Variants in WWOX observed in about 807,000 individuals in gnomAD.
WWOX encodes WW domain containing oxidoreductase.
In WWOX, 69 loss-of-function variants were observed where a neutral mutation model predicts 46.2. The ratio of observed to expected loss-of-function variants is 1.49; its 90% CI spans 1.23 to 1.82. WWOX has a LOEUF of 1.82. Ranked by LOEUF, WWOX falls within the 40% of genes most tolerant of loss-of-function variation. The pLI is 0.00. For synonymous variants in WWOX, 359 were observed against 202.6 expected (o/e 1.77, Z -6.56); for missense variants, 919 against 542.6 (o/e 1.69, Z -6.89).
intron 8 of WWOX, among the ~76,000 whole-genome samples, chr16:78,628,381 T>G (rs772714211): frequency 6.6e-6 from 1 of 152,160 alleles, no homozygotes; most frequent in Non-Finnish European, 1.5e-5. Context: ...AAGCCCCGTG[T>G]GGCCATTCTG....
chr16:78,588,791 A>C (rs16948137), intron 8 of WWOX, among the ~76,000 whole-genome samples: 2 of 152,008 alleles, frequency 1.3e-5, no homozygotes, highest in Non-Finnish European at 2.9e-5. Context: ...GCTTTTTGGC[A>C]TTAGGAGCTG....
intron 6 of WWOX, among the ~76,000 whole-genome samples, chr16:78,421,856 C>A (rs1486217304): frequency 6.6e-6 from 1 of 152,162 alleles, no homozygotes; most frequent in Admixed American, 6.5e-5. Flanking sequence ...CTGCTACATA[C>A]ATGCTTTATT....
chr16:78,374,572 A>C (rs1486126239), intron 5 of WWOX, among the ~76,000 whole-genome samples: 1 of 95,136 alleles, frequency 1.1e-5, no homozygotes, highest in Non-Finnish European at 1.9e-5. Flanking sequence ...TTTTTAAGGC[A>C]GAGTTTCTGT....
At chr16:78,912,010 G>A (rs1182420579) in intron 8 of WWOX, among the ~76,000 whole-genome samples, 2 of 151,992 alleles carry the variant, frequency 1.3e-5, no homozygotes, top group Admixed American at 6.6e-5. Flanking sequence ...AAAATACACA[G>A]TAGTCCAGTA....
chr16:79,181,085 T>C (rs1480383148), intron 8 of WWOX, among the ~76,000 whole-genome samples: 1 of 152,204 alleles, frequency 6.6e-6, no homozygotes, highest in Non-Finnish European at 1.5e-5. Flanking sequence ...ACGCTCGTAA[T>C]TTATGCTCTA....
intron 8 of WWOX, among the ~76,000 whole-genome samples, chr16:79,064,459 C>A (rs1054285442): frequency 6.6e-6 from 1 of 152,202 alleles, no homozygotes; most frequent in African/African-American, 2.4e-5. Context: ...ACCTGCAGAA[C>A]CCATGCGTCG....
At chr16:79,134,705 G>A (rs1032274789) in intron 8 of WWOX, among the ~76,000 whole-genome samples, 1 of 152,194 alleles carries the variant, frequency 6.6e-6, no homozygotes, top group Non-Finnish European at 1.5e-5. Context: ...ATGTCATGAA[G>A]GGACTTGGGG....
chr16:78,660,531 C>G (rs1166503033), intron 8 of WWOX, among the ~76,000 whole-genome samples: 2 of 152,064 alleles, frequency 1.3e-5, no homozygotes, highest in Admixed American at 6.6e-5. Flanking sequence ...ATTCACAAAA[C>G]AACTCAGGGC....
At chr16:78,908,525 C>G (rs1847590) in intron 8 of WWOX, among the ~76,000 whole-genome samples, 139,134 of 150,652 alleles carry the variant, frequency 0.92, 65,308 homozygotes, top group East Asian at 1. Flanking sequence ...GGGCGACAGA[C>G]TGAAACTCTG....
intron 8 of WWOX, among the ~76,000 whole-genome samples, chr16:79,187,458 C>T (rs1304368516): frequency 2.6e-5 from 4 of 152,088 alleles, no homozygotes; most frequent in South Asian, 4.1e-4. Context: ...TGGAGTGCAG[C>T]GGCGTGATCT....
chr16:79,197,233 A>T (rs1458218776), intron 8 of WWOX, among the ~76,000 whole-genome samples: 2 of 152,174 alleles, frequency 1.3e-5, no homozygotes, highest in Non-Finnish European at 2.9e-5. Context: ...CAATGGCTTT[A>T]TGACCTTGAG....
rs139084156 is a variant in WWOX, at chr16:78,761,040, T to C, written c.1056+328288T>C. On this transcript the variant is annotated intron_variant, in intron 8 of 8. Transcript: ENST00000566780. ...CCTCCCCCATGATTCAGTTATCTCC[T>C]ACCAGGCCCCTCCTACAACACGTAA... Among the ~76,000 whole-genome samples the C allele has an allele frequency of 2.0e-5, 3 of 152,188 alleles. No individual in the cohort carries two copies. The East Asian group carries it at 5.8e-4, about 30-fold the overall frequency.
chr16:78,996,349 GAA>G (rs1191601801), intron 8 of WWOX: 2 of 965,540 alleles, frequency 2.1e-6, no homozygotes, highest in Admixed American at 1.3e-4. Flanking sequence ...GGATGAAATA[GAA>G]AGAGTGTGAG....
chr16:78,429,006 G>C (rs777221291), intron 7 of WWOX, among the ~76,000 whole-genome samples: 1 of 152,012 alleles, frequency 6.6e-6, no homozygotes, highest in Non-Finnish European at 1.5e-5. Context: ...GTGTTCCTTT[G>C]TTTTTTTTAT....
intron 8 of WWOX, among the ~76,000 whole-genome samples, chr16:78,819,916 C>A (rs1195387496): frequency 6.6e-6 from 1 of 151,272 alleles, no homozygotes; most frequent in Non-Finnish European, 1.5e-5. Flanking sequence ...TAGATGGACT[C>A]ATTATTTACT....
At chr16:78,925,244 C>A (rs2045471781) in intron 8 of WWOX, among the ~76,000 whole-genome samples, 1 of 152,136 alleles carries the variant, frequency 6.6e-6, no homozygotes, top group Admixed American at 6.5e-5. Flanking sequence ...CTGGTAGAAG[C>A]CACATGACCA....
At chr16:78,261,768 C>CTAGATA (rs2079238887) in intron 5 of WWOX, among the ~76,000 whole-genome samples, 2 of 45,248 alleles carry the variant, frequency 4.4e-5, no homozygotes, top group Non-Finnish European at 7.5e-5. Flanking sequence ...ATCTATCTAT[C>CTAGATA]TATGTATCTA....
At chr16:78,831,132 G>A (rs1397574761) in intron 8 of WWOX, among the ~76,000 whole-genome samples, 3 of 152,182 alleles carry the variant, frequency 2.0e-5, no homozygotes, top group Non-Finnish European at 4.4e-5. Context: ...GCTGGTGGAG[G>A]GGCTTGCAGA....
At chr16:78,686,199 A>C (rs1200450570) in intron 8 of WWOX, among the ~76,000 whole-genome samples, 1 of 152,122 alleles carries the variant, frequency 6.6e-6, no homozygotes, top group Non-Finnish European at 1.5e-5. Context: ...CCAGGCCAGC[A>C]ACACCAGCAT....
Sources: gnomAD v4.1 joint callset for allele counts (sites outside exome capture counted in the v4.1 genomes callset) on GRCh38, gnomAD v4.1.1 for gene constraint, MANE v1.5 for transcripts, NCBI Gene and HGNC (gene_info 2026-07-23, HGNC 2026-07-21) for gene names.